SLC22A4: variants seen among roughly 807,000 people sequenced by gnomAD.
SLC22A4 encodes solute carrier family 22 member 4, also known as ET transporter.
Under a neutral mutation model 56.6 loss-of-function variants are expected in SLC22A4, and 39 were observed. The ratio of observed to expected loss-of-function variants is 0.69; its 90% CI spans 0.53 to 0.90. SLC22A4 has a LOEUF of 0.90. Ranked by LOEUF, SLC22A4 falls within the 40% of genes least tolerant of loss-of-function variation. SLC22A4 has a pLI of 0.00. For synonymous variants in SLC22A4, 241 were observed against 281.4 expected (o/e 0.86, Z 1.44); for missense variants, 594 against 696.5 (o/e 0.85, Z 1.66).
chr5:132,299,423 TA>T (rs1561533486), intron 1 of SLC22A4, among the ~76,000 whole-genome samples: 7 of 151,054 alleles, frequency 4.6e-5, no homozygotes, highest in African/African-American at 1.7e-4. Context: ...TATTTTATTT[TA>T]TTTTATTTTT....
intron 1 of SLC22A4, among the ~76,000 whole-genome samples, chr5:132,299,873 G>T (rs143765869): frequency 2.0e-5 from 3 of 152,184 alleles, no homozygotes; most frequent in Non-Finnish European, 2.9e-5. Flanking sequence ...TTAAATACGC[G>T]TTATGCATTT....
chr5:132,300,235 CTTA>C (rs1397675956), intron 1 of SLC22A4, among the ~76,000 whole-genome samples: 1 of 152,144 alleles, frequency 6.6e-6, no homozygotes, highest in Non-Finnish European at 1.5e-5. Flanking sequence ...GCTGATGTGT[CTTA>C]TTACTGGTGA....
Position 132,322,347 on chromosome 5 carries a change from G to A in SLC22A4, c.816G>A (p.Pro272=), listed in dbSNP as rs1318216032. 1.2e-5 allele frequency: 19 copies of A among 1,613,262 alleles called. No individual in the cohort carries two copies. The highest frequency in any genetic ancestry group is 5.0e-5 in the Admixed American group (3 of 60,000). Reference sequence around the variant, plus strand: ...CGGTGCCGGGAGTGCTGTGTGTCCCGCTGTGGTGGTGAGTGTGACTCGTCC... The same window carrying A: ...CGGTGCCGGGAGTGCTGTGTGTCCCACTGTGGTGGTGAGTGTGACTCGTCC... ...ALTVPGVLCV[P]LWWFIPESPR... Residue 272 remains proline (P), a synonymous_variant, in exon 4 of 10, where the codon CCG becomes CCA. Transcript: ENST00000200652.
Position 132,334,746 on chromosome 5 carries a change from C to G in SLC22A4, c.1075C>G (p.Leu359Val). 6.2e-7 allele frequency: 1 copy of G among 1,613,980 alleles called. No individual in the cohort carries two copies. Among genetic ancestry groups the G allele is most frequent in the Non-Finnish European group, 8.5e-7 (1 of 1,179,842 alleles). Residue 359 changes from leucine (L) to valine (V), a missense_variant, in exon 7 of 10, where the codon CTG (leucine) becomes GTG (valine). Coordinates refer to ENST00000200652, the MANE Select transcript of SLC22A4 (RefSeq NM_003059.3). ...WMLTSVGYFA[L>V]SLDAPNLHGD... is the part of the protein sequence containing the mutation. ...GCTGACCTCAGTGGGTTACTTTGCTCTGTCTCTGGATGCTCCTAATTTACA... is the reference window on the plus strand; with the variant it reads ...GCTGACCTCAGTGGGTTACTTTGCTGTGTCTCTGGATGCTCCTAATTTACA...
intron 3 of SLC22A4, among the ~76,000 whole-genome samples, chr5:132,316,482 T>C (rs1252729681): frequency 4.6e-5 from 7 of 152,188 alleles, no homozygotes; most frequent in Non-Finnish European, 1.0e-4. Context: ...GCCTTCTGGG[T>C]AGAATGCCAT....
chr5:132,320,213 C>T (rs1360578147), intron 3 of SLC22A4, among the ~76,000 whole-genome samples: 2 of 152,182 alleles, frequency 1.3e-5, no homozygotes, highest in Non-Finnish European at 2.9e-5. Flanking sequence ...TATCCAGGAA[C>T]CCAGTAGTAT....
intron 4 of SLC22A4, among the ~76,000 whole-genome samples, chr5:132,322,635 T>C (rs1750579116): frequency 6.6e-6 from 1 of 152,150 alleles, no homozygotes; most frequent in Non-Finnish European, 1.5e-5. Context: ...GAGCTGGTGG[T>C]GTTGGATTTT....
At position 132,313,849 on chromosome 5, in the gene SLC22A4, G is replaced by T; in HGVS notation, c.652+81G>T. 2.8e-6 allele frequency: 4 copies of T among 1,423,946 alleles called. No homozygotes were observed. The South Asian group carries it at 3.4e-5, about 12-fold the overall frequency. 88.2% of individuals were successfully genotyped at this position (1,423,946 alleles called of 1,614,324 possible). On this transcript the variant is annotated intron_variant, in intron 3 of 9. Transcript: ENST00000200652. ...GAAAGAGGAAATCATTGGGCCATTGGGCTGTGCTTCCAAAGCCTTTGGATA... is the reference window on the plus strand; with the variant it reads ...GAAAGAGGAAATCATTGGGCCATTGTGCTGTGCTTCCAAAGCCTTTGGATA...
At chr5:132,327,156 C>T in intron 4 of SLC22A4, 121 bp from the exon 5 acceptor site, 1 of 735,332 alleles carries the variant, frequency 1.4e-6, no homozygotes, top group South Asian at 2.0e-5. Flanking sequence ...CTTATGTGGA[C>T]TCCCTTTAAA....
intron 1 of SLC22A4, chr5:132,311,763 T>C: frequency 7.1e-6 from 2 of 280,950 alleles, no homozygotes; most frequent in South Asian, 8.2e-5. Flanking sequence ...CCTTTGGGCT[T>C]TTCAAACACC....
intron 1 of SLC22A4, chr5:132,311,849 C>T (rs760522945): frequency 9.8e-5 from 45 of 461,476 alleles, no homozygotes; most frequent in Non-Finnish European, 1.8e-4. Context: ...TGAGGGGTCA[C>T]CAGTCACAGC....
At chr5:132,322,152 A>G in intron 3 of SLC22A4, 32 bp from the exon 4 acceptor site, 1 of 1,592,010 alleles carries the variant, frequency 6.3e-7, no homozygotes, top group Non-Finnish European at 8.6e-7. Context: ...AAGTGAGTTA[A>G]TATGCTAATA....
At chr5:132,311,452 T>C (rs1750176429) in intron 1 of SLC22A4, 1 of 152,366 alleles carries the variant, frequency 6.6e-6, no homozygotes, top group Non-Finnish European at 1.5e-5. Context: ...GGCAGCAGCA[T>C]CCCACAGACC....
At chr5:132,341,155 C>T (rs1751206930) in intron 9 of SLC22A4, among the ~76,000 whole-genome samples, 1 of 151,836 alleles carries the variant, frequency 6.6e-6, no homozygotes, top group Non-Finnish European at 1.5e-5. Context: ...CGCGGTGGCA[C>T]ATGCCTGTAA....
chr5:132,321,553 C>A (rs1750538128), intron 3 of SLC22A4, among the ~76,000 whole-genome samples: 1 of 152,162 alleles, frequency 6.6e-6, no homozygotes, highest in Admixed American at 6.5e-5. Context: ...GGAAATGTGG[C>A]ATTCTCAGAA....
intron 4 of SLC22A4, 134 bp downstream of exon 4, chr5:132,322,489 G>A: frequency 3.5e-6 from 3 of 858,372 alleles, no homozygotes; most frequent in Non-Finnish European, 1.9e-6. Flanking sequence ...TTCCAAGCCG[G>A]GAGAGTTTTT....
chr5:132,299,134 A>G (rs1234667209), intron 1 of SLC22A4, among the ~76,000 whole-genome samples: 2 of 152,214 alleles, frequency 1.3e-5, no homozygotes, highest in Admixed American at 1.3e-4. Context: ...CTTTGGGGAC[A>G]GACAAGTCTG....
intron 3 of SLC22A4, among the ~76,000 whole-genome samples, chr5:132,315,648 A>G (rs1750329247): frequency 6.6e-6 from 1 of 152,184 alleles, no homozygotes; most frequent in South Asian, 2.1e-4. Flanking sequence ...CCAAGGGGAA[A>G]GTAAGGCCAT....
intron 9 of SLC22A4, among the ~76,000 whole-genome samples, chr5:132,341,112 G>A (rs936662799): frequency 9.5e-5 from 14 of 148,014 alleles, no homozygotes; most frequent in African/African-American, 1.8e-4. Flanking sequence ...GCAAAACTCC[G>A]TCTCAAAAAA....
Sources: gnomAD v4.1 joint callset for allele counts (sites outside exome capture counted in the v4.1 genomes callset) on GRCh38, gnomAD v4.1.1 for gene constraint, MANE v1.5 for transcripts, NCBI Gene and HGNC (gene_info 2026-07-23, HGNC 2026-07-21) for gene names.